The following STK32B variants were observed in gnomAD, a reference collection of about 807,000 sequenced individuals.
STK32B encodes the protein serine/threonine kinase 32B.
A neutral mutation model predicts 52.6 loss-of-function variants in STK32B; 43 were observed. The observed-to-expected ratio is 0.82, with a 90% CI of 0.64 to 1.05. The LOEUF is 1.05. Among genes scored for constraint, STK32B ranks in the 50% least tolerant of loss-of-function variants. The pLI is 0.00. For missense variants in STK32B, 621 were observed against 534.6 expected (o/e 1.16, Z -1.59); for synonymous variants, 238 against 204.3 (o/e 1.17, Z -1.41).
At chr4:5,068,735 T>G (rs1711570850) in intron 1 of STK32B, among the ~76,000 whole-genome samples, 2 of 152,190 alleles carry the variant, frequency 1.3e-5, no homozygotes, top group African/African-American at 4.8e-5. Flanking sequence ...TAATAGAATT[T>G]TTTTGCAAGG....
chr4:5,183,635 T>G (rs1222562083), intron 3 of STK32B, among the ~76,000 whole-genome samples: 1 of 152,200 alleles, frequency 6.6e-6, no homozygotes, highest in African/African-American at 2.4e-5. Flanking sequence ...ACAACATTTA[T>G]TAAGTTCGCC....
intron 6 of STK32B, among the ~76,000 whole-genome samples, chr4:5,440,800 A>T (rs1232970144): frequency 6.6e-6 from 1 of 151,988 alleles, no homozygotes; most frequent in Non-Finnish European, 1.5e-5. Context: ...ATTTATTGAG[A>T]GTTTTTAGCA....
chr4:5,436,043 G>A (rs1714045873), intron 6 of STK32B: 1 of 152,446 alleles, frequency 6.6e-6, no homozygotes. Flanking sequence ...GCAGCATGGA[G>A]CCAGGGTGGC....
chr4:5,391,041 C>T (rs1342247535), intron 4 of STK32B, among the ~76,000 whole-genome samples: 1 of 150,346 alleles, frequency 6.7e-6, no homozygotes, highest in Admixed American at 6.7e-5. Context: ...TCTCGGCTCA[C>T]TCTGCCTCCT....
intron 6 of STK32B, among the ~76,000 whole-genome samples, chr4:5,431,721 G>C (rs1486362660): frequency 6.6e-6 from 1 of 152,156 alleles, no homozygotes; most frequent in Non-Finnish European, 1.5e-5. Flanking sequence ...AGTGAAATGA[G>C]CTTTCTATTG....
At position 5,399,041 on chromosome 4, in the gene STK32B, C is replaced by T. The variant is rs1403490652; in HGVS notation, c.472+797C>T. On this transcript the variant is annotated intron_variant, in intron 5 of 11. Coordinates refer to ENST00000282908, the MANE Select transcript of STK32B (RefSeq NM_018401.3). This position sits in a 1 kb window ranked among gnomAD's most constrained non-coding sequence, Gnocchi z 5.4. Reference sequence around the variant, plus strand: ...CTGTGTCCTGTGTTGGGATGGAATGCCCACAAAGTTTAAGAACCATGAGCC... The same window carrying T: ...CTGTGTCCTGTGTTGGGATGGAATGTCCACAAAGTTTAAGAACCATGAGCC... Among the ~76,000 whole-genome samples the T allele has an allele frequency of 6.6e-6, 1 of 151,262 alleles. No homozygotes were observed. The highest frequency in any genetic ancestry group is 1.5e-5 in the Non-Finnish European group (1 of 67,368).
At chr4:5,320,595 T>C (rs1292467028) in intron 3 of STK32B, among the ~76,000 whole-genome samples, 5 of 152,146 alleles carry the variant, frequency 3.3e-5, no homozygotes, top group African/African-American at 1.2e-4. Flanking sequence ...ACTAGTGAAA[T>C]GTAAGAACCA....
intron 3 of STK32B, among the ~76,000 whole-genome samples, chr4:5,249,087 ATAAAAT>A (rs138189226): frequency 0.018 from 2,693 of 152,188 alleles, 53 homozygotes; most frequent in East Asian, 0.075. Context: ...TAATAAAAAA[ATAAAAT>A]AAAGATACTA....
intron 3 of STK32B, among the ~76,000 whole-genome samples, chr4:5,175,214 T>G (rs987330443): frequency 6.6e-6 from 1 of 152,172 alleles, no homozygotes; most frequent in African/African-American, 2.4e-5. Context: ...AATTTTTTTT[T>G]TCAAGTTTTT....
intron 5 of STK32B, among the ~76,000 whole-genome samples, chr4:5,413,216 G>C (rs1028352523): frequency 1.4e-4 from 22 of 152,308 alleles, no homozygotes; most frequent in Non-Finnish European, 2.9e-4. Flanking sequence ...GAGGCTTTCA[G>C]AGCTTAAATA....
At chr4:5,221,341 G>T (rs574804557) in intron 3 of STK32B, among the ~76,000 whole-genome samples, 1 of 152,226 alleles carries the variant, frequency 6.6e-6, no homozygotes, top group South Asian at 2.1e-4. Context: ...GAGATGTCAA[G>T]AAAATAAAAT....
chr4:5,253,319 G>A (rs1410118548), intron 3 of STK32B, among the ~76,000 whole-genome samples: 3 of 152,096 alleles, frequency 2.0e-5, no homozygotes, highest in Non-Finnish European at 4.4e-5. Flanking sequence ...CTTGGGCAAA[G>A]GCGATTACTT....
chr4:5,112,523 G>A (rs1262168974), intron 1 of STK32B, among the ~76,000 whole-genome samples: 1 of 152,146 alleles, frequency 6.6e-6, no homozygotes, highest in African/African-American at 2.4e-5. Context: ...ACTAGAGGAA[G>A]GGTCAGCCTT....
chr4:5,211,848 G>A (rs957191406), intron 3 of STK32B, among the ~76,000 whole-genome samples: 2 of 152,146 alleles, frequency 1.3e-5, no homozygotes, highest in African/African-American at 2.4e-5. Flanking sequence ...ATGATCAAGC[G>A]ACAAGTCTCT....
At chr4:5,254,364 ATTGT>A (rs1296589560) in intron 3 of STK32B, among the ~76,000 whole-genome samples, 2 of 151,210 alleles carry the variant, frequency 1.3e-5, no homozygotes, top group African/African-American at 4.9e-5. Context: ...GATCTTCTAT[ATTGT>A]TTATTTGTTT....
chr4:5,226,303 C>T (rs184348315), intron 3 of STK32B, among the ~76,000 whole-genome samples: 1 of 152,140 alleles, frequency 6.6e-6, no homozygotes, highest in African/African-American at 2.4e-5. Context: ...TTTCAGTATG[C>T]AGTCATTGTA....
chr4:5,108,607 G>T (rs145881928), intron 1 of STK32B, among the ~76,000 whole-genome samples: 1 of 152,118 alleles, frequency 6.6e-6, no homozygotes. Context: ...TTTATTTGTG[G>T]CAATATAGTT....
intron 3 of STK32B, among the ~76,000 whole-genome samples, chr4:5,217,703 T>C (rs1193794655): frequency 1.3e-5 from 2 of 152,180 alleles, no homozygotes; most frequent in Non-Finnish European, 2.9e-5. Context: ...GTGGGACTTG[T>C]CTCTTAAGTC....
At position 5,416,920 on chromosome 4, in the gene STK32B, C is replaced by T. The variant is rs1323978494; in HGVS notation, c.548C>T (p.Thr183Ile). ...GAERASSMAG[T>I]KPYMAPEVFQ... ...GAAAGGGCTTCCTCCATGGCTGGCA[C>T]CAAGCCCTACATGGGTGAGTGTTCC... The change falls in exon 6 of 12, where the codon ACC (threonine) becomes ATC (isoleucine). Residue 183 changes from threonine to isoleucine, a missense_variant. By Grantham distance (89) the Thr-to-Ile change is moderately conservative. Transcript: ENST00000282908. The T allele has an allele frequency of 2.5e-6, 4 of 1,613,120 alleles. No individual in the cohort carries two copies. Among genetic ancestry groups the T allele is most frequent in the South Asian group, 1.1e-5 (1 of 90,774 alleles).
Sources: allele counts gnomAD v4.1 joint callset (sites outside exome capture counted in the v4.1 genomes callset), GRCh38; gene constraint gnomAD v4.1.1; non-coding constraint Gnocchi (gnomAD v3.1); transcripts MANE v1.5; gene names NCBI Gene and HGNC (gene_info 2026-07-23, HGNC 2026-07-21).